The following TWIST2 variants were observed in gnomAD, a reference collection of about 807,000 sequenced individuals.
TWIST2 encodes the protein twist-related protein 2.
TWIST2 carries 1 observed loss-of-function variant against 11.6 expected under a neutral mutation model. The ratio of observed to expected loss-of-function variants is 0.09; its 90% CI spans 0.03 to 0.41. The LOEUF is 0.41. Among genes scored for constraint, TWIST2 ranks in the 10% least tolerant of loss-of-function variants. The pLI is 0.98. For synonymous variants in TWIST2, 87 were observed against 96.6 expected, an observed-to-expected ratio of 0.90 and a Z score of 0.58; for missense variants, 168 against 226.4, an observed-to-expected ratio of 0.74 and a Z score of 1.66.
intron 1 of TWIST2, among the ~76,000 whole-genome samples, chr2:238,877,955 C>T (rs891139717): frequency 1.3e-5 from 2 of 152,022 alleles, no homozygotes; most frequent in Non-Finnish European, 2.9e-5. Context: ...AGGCAGAAAA[C>T]GCAATGAAAT....
intron 1 of TWIST2, chr2:238,887,288 C>T (rs963815319): frequency 5.3e-5 from 8 of 152,128 alleles, no homozygotes; most frequent in African/African-American, 1.9e-4. Context: ...TCAATTTAAT[C>T]CTGTGTCTCT....
chr2:238,860,519 A>G (rs1378702518), intron 1 of TWIST2, among the ~76,000 whole-genome samples: 1 of 152,226 alleles, frequency 6.6e-6, no homozygotes, highest in Non-Finnish European at 1.5e-5. Flanking sequence ...ACACTGATAG[A>G]AGCCCCAGAG....
At position 238,907,871 on chromosome 2, in the gene TWIST2, C is replaced by A. The variant is rs1003739498; in HGVS notation, c.*36-1971C>A. On this transcript the variant is annotated intron_variant, in intron 1 of 1. Transcript: ENST00000612363. ...CCACACTGTACATACACACCACATA[C>A]ACACACACCACACAAACACACTACA... 7.3e-3 allele frequency among the ~76,000 whole-genome samples: 959 copies of A among 131,124 alleles called. 10 individuals carry two copies. Among genetic ancestry groups the A allele is most frequent in the South Asian group, 0.013 (48 of 3,744 alleles). 86.0% of individuals were successfully genotyped at this position (131,124 alleles called of 152,430 possible). A position where few individuals can be genotyped will look rare whatever the true frequency, so the allele number is the denominator to read the frequency against.
At chr2:238,900,116 TGG>T (rs1693251197) in intron 1 of TWIST2, among the ~76,000 whole-genome samples, 1 of 152,224 alleles carries the variant, frequency 6.6e-6, no homozygotes, top group Admixed American at 6.5e-5. Flanking sequence ...TTATTCTTCG[TGG>T]GGTAGATACA....
At chr2:238,875,039 G>T (rs2106361823) in intron 1 of TWIST2, among the ~76,000 whole-genome samples, 1 of 152,318 alleles carries the variant, frequency 6.6e-6, no homozygotes, top group East Asian at 1.9e-4. Context: ...TGGAAGGACA[G>T]CAGAGCAGGC....
intron 1 of TWIST2, among the ~76,000 whole-genome samples, chr2:238,893,004 T>A (rs1303964458): frequency 2.6e-5 from 4 of 152,208 alleles, no homozygotes; most frequent in African/African-American, 9.6e-5. Context: ...CTGTCCCTGT[T>A]GCAGAATGGT....
At chr2:238,902,223 TATGTGTGTGTGTG>T (rs1469613282) in intron 1 of TWIST2, among the ~76,000 whole-genome samples, 11,748 of 150,812 alleles carry the variant, frequency 0.078, 525 homozygotes, top group East Asian at 0.16. Context: ...TGATGTGGAG[TATGTGTGTGTGTG>T]ATGTGTGTGG....
chr2:238,897,995 G>A (rs1693224915), intron 1 of TWIST2, among the ~76,000 whole-genome samples: 2 of 152,190 alleles, frequency 1.3e-5, no homozygotes, highest in African/African-American at 2.4e-5. Flanking sequence ...GGCTGGACTC[G>A]GCCTGGGTGC....
At chr2:238,876,172 A>C (rs147172762) in intron 1 of TWIST2, among the ~76,000 whole-genome samples, 11,019 of 152,292 alleles carry the variant, frequency 0.072, 522 homozygotes, top group Middle Eastern at 0.17. Flanking sequence ...CCGCTTGGGA[A>C]GTTCAGGAAC....
intron 1 of TWIST2, among the ~76,000 whole-genome samples, chr2:238,865,777 C>T (rs999777667): frequency 1.5e-4 from 23 of 152,098 alleles, no homozygotes; most frequent in Admixed American, 3.3e-4. Context: ...CCTTTTTATA[C>T]GTGGTGCCAG....
At chr2:238,869,231 T>G (rs1196931741) in intron 1 of TWIST2, among the ~76,000 whole-genome samples, 1 of 152,224 alleles carries the variant, frequency 6.6e-6, no homozygotes, top group Non-Finnish European at 1.5e-5. Context: ...CAAGCGGTGC[T>G]GGCACAGGCC....
At chr2:238,852,447 A>G (rs1692259025) in intron 1 of TWIST2, among the ~76,000 whole-genome samples, 1 of 152,214 alleles carries the variant, frequency 6.6e-6, no homozygotes, top group South Asian at 2.1e-4. Context: ...GAGTTCACAA[A>G]TGAGGCAATA....
intron 1 of TWIST2, among the ~76,000 whole-genome samples, chr2:238,886,522 C>A (rs761716915): frequency 3.9e-5 from 6 of 151,986 alleles, no homozygotes; most frequent in Admixed American, 2.0e-4. Flanking sequence ...ATTCCCTCCC[C>A]CAACGCAAGC....
chr2:238,858,850 C>T lies in TWIST2; in HGVS notation c.*35+10117C>T, dbSNP rs148840479. Among the ~76,000 whole-genome samples the T allele has an allele frequency of 3.5e-3, 537 of 152,224 alleles. 6 individuals are homozygous for T. Among genetic ancestry groups the T allele is most frequent in the African/African-American group, 0.012 (503 of 41,538 alleles). On this transcript the variant is annotated intron_variant, in intron 1 of 1. Coordinates refer to ENST00000612363, the MANE Select transcript of TWIST2 (RefSeq NM_001271893.4). ...CACAATAGTCAAAAGACGGAAACAG[C>T]AAAGTGTCCATGAACTGAGGATCAG... is the stretch of plus-strand genomic sequence containing the variant.
chr2:238,890,703 T>A (rs2106369240), intron 1 of TWIST2, among the ~76,000 whole-genome samples: 1 of 152,338 alleles, frequency 6.6e-6, no homozygotes, highest in Admixed American at 6.5e-5. Flanking sequence ...GCCGAATTTT[T>A]AAAAATTGAG....
chr2:238,881,542 T>C (rs1692931175), intron 1 of TWIST2, among the ~76,000 whole-genome samples: 1 of 152,076 alleles, frequency 6.6e-6, no homozygotes, highest in African/African-American at 2.4e-5. Flanking sequence ...TTGGTGTTAG[T>C]ATTTATTAGT....
At chr2:238,868,930 A>G (rs1203910509) in intron 1 of TWIST2, among the ~76,000 whole-genome samples, 6 of 152,188 alleles carry the variant, frequency 3.9e-5, no homozygotes, top group Non-Finnish European at 8.8e-5. Context: ...CATTTTCTAG[A>G]GAAAGGAAGT....
chr2:238,880,284 TTAG>T, intron 1 of TWIST2, among the ~76,000 whole-genome samples: 1 of 150,390 alleles, frequency 6.6e-6, no homozygotes, highest in Middle Eastern at 3.5e-3. Flanking sequence ...CTAGTATTTA[TTAG>T]TGTTAGTGTT....
chr2:238,884,720 C>A (rs1693000505), intron 1 of TWIST2, among the ~76,000 whole-genome samples: 1 of 152,218 alleles, frequency 6.6e-6, no homozygotes. Context: ...CACGGTCCAG[C>A]AGACCTAGCC....
Sources: gnomAD v4.1 joint callset for allele counts (sites outside exome capture counted in the v4.1 genomes callset) on GRCh38, gnomAD v4.1.1 for gene constraint, MANE v1.5 for transcripts, NCBI Gene and HGNC (gene_info 2026-07-23, HGNC 2026-07-21) for gene names.